The following WDR45B variants were observed in gnomAD, a reference collection of about 807,000 sequenced individuals.
The protein encoded by WDR45B is WD repeat domain phosphoinositide-interacting protein 3.
In WDR45B, 20 loss-of-function variants were observed where a neutral mutation model predicts 44.6. The ratio of observed to expected loss-of-function variants is 0.45; its 90% CI spans 0.32 to 0.65. The LOEUF (loss-of-function observed/expected upper bound fraction) is 0.65. Ranked by LOEUF, WDR45B falls within the 30% of genes least tolerant of loss-of-function variation. The pLI, the probability that WDR45B is intolerant of heterozygous loss-of-function variation, is 0.05. For missense variants in WDR45B, 323 were observed against 430.2 expected, an observed-to-expected ratio of 0.75 and a Z score of 2.20; for synonymous variants, 169 against 164.9, an observed-to-expected ratio of 1.02 and a Z score of -0.19.
At chr17:82,629,052 C>T (rs780610669) in intron 3 of WDR45B, among the ~76,000 whole-genome samples, 31 of 152,130 alleles carry the variant, frequency 2.0e-4, no homozygotes, top group African/African-American at 5.3e-4. Context: ...TACCTTTAAA[C>T]GCTACAAAAA....
chr17:82,621,663 C>G lies in WDR45B; in HGVS notation c.564G>C (p.Leu188=), dbSNP rs776825319. The G allele has an allele frequency of 6.2e-7, 1 of 1,614,186 alleles. No homozygotes were observed. The highest frequency in any genetic ancestry group is 2.2e-5 in the East Asian group (1 of 44,868). ...CCTGCAGGTTGAGTGCAATGCAGCT[C>G]AGGACACCCTCGTGTGCAGGAATGT... ...PVDIPAHEGV[L]SCIALNLQGT... Residue 188 remains leucine (L), a synonymous_variant, in exon 6 of 10, where the codon CTG becomes CTC. Transcript: ENST00000392325.
intron 2 of WDR45B, among the ~76,000 whole-genome samples, chr17:82,642,640 A>G (rs578156769): frequency 5.3e-5 from 8 of 152,272 alleles, no homozygotes; most frequent in African/African-American, 1.7e-4. Context: ...CTGAGCCCTC[A>G]ACCTGTGGGA....
intron 1 of WDR45B, among the ~76,000 whole-genome samples, chr17:82,647,987 G>A (rs1276802075): frequency 7.2e-6 from 1 of 138,380 alleles, no homozygotes; most frequent in Non-Finnish European, 1.6e-5. Context: ...CACCGACCTC[G>A]ACCTCGGCCC....
rs532007413 is a variant in WDR45B, at chr17:82,644,129, C to G, written c.68-106G>C. 6.9e-5 allele frequency: 70 copies of G among 1,016,094 alleles called. No homozygotes were observed. In the East Asian group the frequency reaches 1.7e-3, roughly 25 times the overall value. 62.9% of individuals were successfully genotyped at this position (1,016,094 alleles called of 1,614,324 possible). A position where few individuals can be genotyped will look rare whatever the true frequency, so the allele number is the denominator to read the frequency against. ...CTGAGAACTCTTGCAGATGCTCAAACCACACAGACACGATAGGTGCTAAGT... is the reference window on the plus strand; with the variant it reads ...CTGAGAACTCTTGCAGATGCTCAAAGCACACAGACACGATAGGTGCTAAGT... On this transcript the variant is annotated intron_variant, in intron 1 of 9. Transcript: ENST00000392325.
At chr17:82,629,910 A>T (rs1482479498) in intron 3 of WDR45B, 1 of 984,850 alleles carries the variant, frequency 1.0e-6, no homozygotes, top group African/African-American at 1.8e-5. Flanking sequence ...CCAGAGCCCC[A>T]TCCTGGTCTT....
intron 2 of WDR45B, among the ~76,000 whole-genome samples, chr17:82,642,062 G>A (rs1458113399): frequency 6.6e-6 from 1 of 152,260 alleles, no homozygotes; most frequent in East Asian, 1.9e-4. Flanking sequence ...TGGCAGCCGA[G>A]GGAGGGCTTG....
At chr17:82,648,240 G>A (rs771293172) in intron 1 of WDR45B, 34 bp downstream of exon 1, 3 of 1,593,294 alleles carry the variant, frequency 1.9e-6, no homozygotes, top group Non-Finnish European at 2.6e-6. Flanking sequence ...GGGAAGGCCC[G>A]GCCGGGCAAG....
rs2045801726 is a variant in WDR45B at position 82,634,038 on chromosome 17, CT to C, written c.143-3017del. 2.7e-5 allele frequency among the ~76,000 whole-genome samples: 4 copies of C among 148,936 alleles called. No individual in the cohort carries two copies. In the South Asian group the frequency reaches 8.5e-4, roughly 32 times the overall value. On this transcript the variant is annotated intron_variant, in intron 2 of 9. Transcript: ENST00000392325. ...TGGTGGCAGGTGCCTGTAATCCCAGCTACTTGGGAGGCTGAGGCAGGAGAAT... is the reference window on the plus strand; with the variant it reads ...TGGTGGCAGGTGCCTGTAATCCCAGCACTTGGGAGGCTGAGGCAGGAGAAT...
At chr17:82,620,109 T>C (rs1471934148) in intron 6 of WDR45B, among the ~76,000 whole-genome samples, 1 of 152,190 alleles carries the variant, frequency 6.6e-6, no homozygotes, top group Non-Finnish European at 1.5e-5. Flanking sequence ...TTATATCTAT[T>C]TTGTTGCTAA....
At chr17:82,629,757 C>A in intron 3 of WDR45B, 1 of 985,588 alleles carries the variant, frequency 1.0e-6, no homozygotes. Flanking sequence ...GGCCCCAAAG[C>A]TTGTCACGAG....
rs756901861 is a variant in WDR45B, at chr17:82,615,905, G to A, written c.*14C>T. 63 of 1,608,150 alleles carry A rather than the reference G, an allele frequency of 3.9e-5. No individual in the cohort carries two copies. The highest frequency in any genetic ancestry group is 3.8e-4 in the South Asian group (35 of 90,928). On this transcript the variant is annotated 3_prime_UTR_variant, in exon 10 of 10. Transcript: ENST00000392325. ...GGCGGCAGGTGGTGGGTGCTGTGGC[G>A]CCCCCAGCTGGAGTCACAGCTTGTC...
chr17:82,625,309 G>A (rs1269781390), intron 5 of WDR45B, 80 bp downstream of exon 5: 4 of 1,406,038 alleles, frequency 2.8e-6, no homozygotes, highest in Non-Finnish European at 4.0e-6. Flanking sequence ...TCAGAGACCT[G>A]CTTGGAGAAG....
chr17:82,641,146 T>C (rs1418531609), intron 2 of WDR45B, among the ~76,000 whole-genome samples: 3 of 152,008 alleles, frequency 2.0e-5, no homozygotes, highest in Non-Finnish European at 4.4e-5. Context: ...TTTGTATTTG[T>C]AGTAGAGATG....
intron 3 of WDR45B, among the ~76,000 whole-genome samples, chr17:82,628,614 T>A (rs892977115): frequency 6.6e-6 from 1 of 151,606 alleles, no homozygotes; most frequent in Non-Finnish European, 1.5e-5. Context: ...GCTACTCAGG[T>A]AGAGTCCAGG....
intron 2 of WDR45B, among the ~76,000 whole-genome samples, chr17:82,631,976 G>A (rs887939854): frequency 6.6e-6 from 1 of 151,838 alleles, no homozygotes; most frequent in East Asian, 1.9e-4. Flanking sequence ...CAGCCACTCA[G>A]GAGCTGAGGC....
intron 3 of WDR45B, 151 bp from the exon 4 acceptor site, chr17:82,627,442 A>C (rs1711767632): frequency 1.4e-6 from 1 of 713,644 alleles, no homozygotes; most frequent in African/African-American, 1.7e-5. Context: ...CGCACCTGGG[A>C]GGCCTTGGGG....
At chr17:82,629,851 A>G in intron 3 of WDR45B, 13 of 985,066 alleles carry the variant, frequency 1.3e-5, no homozygotes, top group Non-Finnish European at 1.6e-5. Context: ...ACGTGATATC[A>G]CCCAGATCCT....
chr17:82,647,948 G>C lies in WDR45B; in HGVS notation c.67+326C>G, dbSNP rs891163421. Among the ~76,000 whole-genome samples, 45 of 147,600 alleles carry C rather than the reference G, an allele frequency of 3.0e-4. No individual in the cohort carries two copies. The Admixed American group carries it at 3.1e-3, about 10-fold the overall frequency. On this transcript the variant is annotated intron_variant, in intron 1 of 9. Coordinates refer to ENST00000392325, the MANE Select transcript of WDR45B (RefSeq NM_019613.4). ...GTGGCGCGCGGGGAGGGGCGTCCGC[G>C]CAGGAGGCTGGGGTTCTGTGCCGTC...
chr17:82,621,173 C>T (rs1445271162), intron 6 of WDR45B, among the ~76,000 whole-genome samples: 4 of 151,918 alleles, frequency 2.6e-5, no homozygotes, highest in Admixed American at 2.0e-4. Context: ...CCTGCCTTAG[C>T]CTTCCGAGTA....
Sources: allele counts gnomAD v4.1 joint callset (sites outside exome capture counted in the v4.1 genomes callset), GRCh38; gene constraint gnomAD v4.1.1; transcripts MANE v1.5; gene names NCBI Gene and HGNC (gene_info 2026-07-23, HGNC 2026-07-21).